AP5Z1: variants seen among roughly 807,000 people sequenced by gnomAD.
AP5Z1 encodes the protein adaptor related protein complex 5 subunit zeta 1, also known as AP-5 complex subunit zeta-1.
In AP5Z1, 106 loss-of-function variants were observed where a neutral mutation model predicts 83.0. The ratio of observed to expected loss-of-function variants is 1.28; its 90% confidence interval spans 1.09 to 1.50. The LOEUF is 1.50. Among genes scored for constraint, AP5Z1 ranks in the 40% most tolerant of loss-of-function variants. The pLI is 0.00. For missense variants in AP5Z1, 1,565 were observed against 1,094.2 expected (o/e 1.43, Z -6.07); for synonymous variants, 751 against 514.1 (o/e 1.46, Z -6.23).
Position 4,790,247 on chromosome 7 carries a change from C to G in AP5Z1, c.1806-212C>G, listed in dbSNP as rs769643391. On this transcript the variant is annotated intron_variant, in intron 14 of 16. Coordinates refer to ENST00000649063, the MANE Select transcript of AP5Z1 (RefSeq NM_014855.3). ...CATGCAGGCCCATCCTGGTTCCACTCTGAGCCTGGGCCTGAGGCCAGCGCT... is the reference window on the plus strand; with the variant it reads ...CATGCAGGCCCATCCTGGTTCCACTGTGAGCCTGGGCCTGAGGCCAGCGCT... 11 of 1,547,540 alleles carry G rather than the reference C, an allele frequency of 7.1e-6. No individual in the cohort carries two copies. The South Asian group carries it at 1.1e-4, about 15-fold the overall frequency.
intron 13 of AP5Z1, among the ~76,000 whole-genome samples, chr7:4,789,406 C>CA (rs1781671786): frequency 6.6e-6 from 1 of 151,986 alleles, no homozygotes; most frequent in African/African-American, 2.4e-5. Flanking sequence ...CATCTGAGGC[C>CA]AAAATAAAGG....
chr7:4,778,197 C>G (rs1234338460), intron 1 of AP5Z1, among the ~76,000 whole-genome samples: 1 of 152,204 alleles, frequency 6.6e-6, no homozygotes, highest in East Asian at 1.9e-4. Flanking sequence ...TGCACTCCAG[C>G]TCGGGTGACA....
At chr7:4,781,808 C>T (rs1781390419) in intron 3 of AP5Z1, 54 bp downstream of exon 3, 1 of 1,470,010 alleles carries the variant, frequency 6.8e-7, no homozygotes, top group Non-Finnish European at 9.0e-7. Flanking sequence ...TCCCAAGGAA[C>T]AGGGGAGACA....
intron 10 of AP5Z1, among the ~76,000 whole-genome samples, chr7:4,786,792 T>C (rs1226213894): frequency 6.6e-6 from 1 of 151,802 alleles, no homozygotes; most frequent in Admixed American, 6.5e-5. Context: ...TCTTTTGAGA[T>C]GGAGTCTCAT....
At position 4,790,800 on chromosome 7, in the gene AP5Z1, C is replaced by G; in HGVS notation, c.2066C>G (p.Ala689Gly). 1 of 1,609,246 alleles carries G rather than the reference C, an allele frequency of 6.2e-7. No individual in the cohort carries two copies. The highest frequency in any genetic ancestry group is 8.5e-7 in the Non-Finnish European group (1 of 1,178,888). Residue 689 changes from alanine (A) to glycine (G), a missense_variant, in exon 16 of 17, where the codon GCC becomes GGC. By Grantham distance (60) the Ala-to-Gly change is moderately conservative. Transcript: ENST00000649063. ...FEVTQCRPSA[A>G]LPRCPPQVVT... ...GTCACCCAGTGCCGCCCCTCTGCTG[C>G]CCTGCCCAGGTGTCCCCCCCAGGTG...
In AP5Z1 at chr7:4,788,182, C is replaced by T. The variant is rs903806347; in HGVS notation, c.1483C>T (p.Leu495Phe). 10 of 1,558,058 alleles carry T rather than the reference C, an allele frequency of 6.4e-6. No homozygotes were observed. The highest frequency in any genetic ancestry group is 7.8e-6 in the Non-Finnish European group (9 of 1,152,104). ...RSAPAASERP[L>F]WDTSLRAPSC... Reference sequence around the variant, plus strand: ...AGCACCGGCTGCATCCGAGAGGCCACTCTGGGACACCTCTCTCAGGGCCCC... The same window carrying T: ...AGCACCGGCTGCATCCGAGAGGCCATTCTGGGACACCTCTCTCAGGGCCCC... The change falls in exon 12 of 17, where the codon CTC becomes TTC. Residue 495 changes from leucine (L) to phenylalanine (F), a missense_variant. Transcript: ENST00000649063.
intron 1 of AP5Z1, among the ~76,000 whole-genome samples, chr7:4,779,208 A>T (rs186829108): frequency 2.2e-3 from 323 of 146,006 alleles, no homozygotes; most frequent in African/African-American, 7.4e-3. Flanking sequence ...TATATAGCAT[A>T]TATTATGTAT....
In AP5Z1 at chr7:4,790,870, C is replaced by A. The variant is rs981352225; in HGVS notation, c.2136C>A (p.Ser712Arg). ...MTTLTKLASR[S>R]QDLIPRASLL... ...CGCTGACGAAGCTGGCCTCCCGGAGCCAAGATCTGATCCCCAGGTGCCTGG... is the reference window on the plus strand; with the variant it reads ...CGCTGACGAAGCTGGCCTCCCGGAGACAAGATCTGATCCCCAGGTGCCTGG... Residue 712 changes from serine to arginine, a missense_variant, in exon 16 of 17, where the codon AGC becomes AGA. By Grantham distance (110) the Ser-to-Arg change is moderately radical. Transcript: ENST00000649063. 5 of 1,604,450 alleles carry A rather than the reference C, an allele frequency of 3.1e-6. No individual in the cohort carries two copies. Among genetic ancestry groups the A allele is most frequent in the Admixed American group, 3.4e-5 (2 of 59,238 alleles).
rs774058976 is a variant in AP5Z1 at position 4,786,416 on chromosome 7, C to T, written c.1299C>T (p.Pro433=). 1.2e-6 allele frequency: 2 copies of T among 1,613,866 alleles called. No homozygotes were observed. The highest frequency in any genetic ancestry group is 1.7e-6 in the Non-Finnish European group (2 of 1,179,868). Residue 433 remains proline (P), a synonymous_variant, in exon 10 of 17, where the codon CCC becomes CCT. Transcript: ENST00000649063. ...TCAGCACCCTCAGATTGAGCTTCCC[C>T]AACCTCTTTAAGGTATATTTGGGCA... ...GHLSTLRLSF[P]NLFKFLAWNS...
intron 10 of AP5Z1, among the ~76,000 whole-genome samples, chr7:4,786,920 A>G (rs1365926486): frequency 6.6e-6 from 1 of 152,026 alleles, no homozygotes; most frequent in African/African-American, 2.4e-5. Context: ...ACAGGCACCC[A>G]CCACCATGTC....
Position 4,781,748 on chromosome 7 carries a change from G to A in AP5Z1, c.360G>A (p.Leu120=), listed in dbSNP as rs781334757. The stretch of plus-strand genomic sequence containing the variant: ...TGAGCCTGGTGGCCTCCGTTCTCTT[G>A]GCCCAGGTAGCGCAGCAGTCACCAC... ...RQLSLVASVL[L]AQGDRNEEVR... The change falls in exon 3 of 17, where the codon TTG becomes TTA. Residue 120 remains leucine (L), a synonymous_variant. Coordinates refer to ENST00000649063, the MANE Select transcript of AP5Z1 (RefSeq NM_014855.3). 2.7e-5 allele frequency: 42 copies of A among 1,563,838 alleles called. No homozygotes were observed. The South Asian group carries it at 4.6e-4, about 17-fold the overall frequency.
chr7:4,783,211 C>G, intron 3 of AP5Z1, 105 bp from the exon 4 acceptor site: 3 of 1,447,390 alleles, frequency 2.1e-6, no homozygotes, highest in Non-Finnish European at 9.2e-7. Flanking sequence ...AGGCCGGGGT[C>G]TCAGCGACCG....
intron 7 of AP5Z1, 33 bp downstream of exon 7, chr7:4,785,081 A>T (rs770532356): frequency 1.2e-5 from 19 of 1,562,296 alleles, no homozygotes; most frequent in Non-Finnish European, 1.5e-5. Flanking sequence ...TGGCCTCCCC[A>T]GGGCTCGACG....
In AP5Z1 at chr7:4,790,540, C is replaced by G. The variant is rs772647149; in HGVS notation, c.1887C>G (p.Phe629Leu). The change falls in exon 15 of 17, where the codon TTC becomes TTG. Residue 629 changes from phenylalanine to leucine, a missense_variant. Coordinates refer to ENST00000649063, the MANE Select transcript of AP5Z1 (RefSeq NM_014855.3). ...AGCTGGCAAGAGACCTGCTGGAGTT[C>G]CTGGGCAGCGTGAATGGTCTCTGCA... ...VVELARDLLE[F>L]LGSVNGLCSR... 9 of 1,613,016 alleles carry G rather than the reference C, an allele frequency of 5.6e-6. No homozygotes were observed. In the Admixed American group the frequency reaches 1.0e-4, roughly 18 times the overall value.
At chr7:4,787,067 C>T (rs557089817) in intron 10 of AP5Z1, among the ~76,000 whole-genome samples, 2 of 152,218 alleles carry the variant, frequency 1.3e-5, no homozygotes, top group East Asian at 1.9e-4. Context: ...CCACCGCACC[C>T]GGCCTGGTGC....
rs1363678417 is a variant in AP5Z1, at chr7:4,790,760, G to A, written c.2026G>A (p.Ala676Thr). 1.9e-6 allele frequency: 3 copies of A among 1,609,166 alleles called. No individual in the cohort carries two copies. The highest frequency in any genetic ancestry group is 1.7e-6 in the Non-Finnish European group (2 of 1,178,772). The change falls in exon 16 of 17, where the codon GCT (alanine) becomes ACT (threonine). Residue 676 changes from alanine (A) to threonine (T), a missense_variant. Ala to Thr is a moderately conservative substitution (Grantham distance 58). Transcript: ENST00000649063. ...QINKFFEALE[A>T]LLFEVTQCRP... ...CAACAAGTTCTTCGAAGCCCTGGAG[G>A]CTCTGCTATTCGAGGTCACCCAGTG...
chr7:4,783,004 C>T (rs1204423833), intron 3 of AP5Z1, among the ~76,000 whole-genome samples: 1 of 152,184 alleles, frequency 6.6e-6, no homozygotes, highest in East Asian at 1.9e-4. Flanking sequence ...CTGGAGGCCC[C>T]GCAGGACGGG....
At chr7:4,776,198 G>C (rs1781220839) in intron 1 of AP5Z1, among the ~76,000 whole-genome samples, 1 of 152,182 alleles carries the variant, frequency 6.6e-6, no homozygotes, top group African/African-American at 2.4e-5. Context: ...TTGCGGAACC[G>C]TGGGAGGGTT....
At chr7:4,781,443 T>C (rs1781380205) in intron 2 of AP5Z1, 125 bp from the exon 3 acceptor site, 1 of 1,536,876 alleles carries the variant, frequency 6.5e-7, no homozygotes, top group Admixed American at 1.8e-5. Flanking sequence ...GTGCTGAAGG[T>C]CCATCCTCAT....
Sources: gnomAD v4.1 joint callset for allele counts (sites outside exome capture counted in the v4.1 genomes callset) on GRCh38, gnomAD v4.1.1 for gene constraint, MANE v1.5 for transcripts, NCBI Gene and HGNC (gene_info 2026-07-23, HGNC 2026-07-21) for gene names.